MTRF1L: variants seen among roughly 807,000 people sequenced by gnomAD.
MTRF1L encodes the protein peptide chain release factor 1-like, mitochondrial.
MTRF1L carries 29 observed loss-of-function variants against 40.0 expected under a neutral mutation model. That is an observed-to-expected ratio of 0.73 (90% CI 0.54 to 0.99). MTRF1L has a LOEUF of 0.99. Among genes scored for constraint, MTRF1L ranks in the 50% least tolerant of loss-of-function variants. MTRF1L has a pLI of 0.00. For synonymous variants in MTRF1L, 150 were observed against 175.8 expected, an observed-to-expected ratio of 0.85 and a Z score of 1.16; for missense variants, 412 against 464.5, an observed-to-expected ratio of 0.89 and a Z score of 1.04.
Position 153,002,543 on chromosome 6 carries a change from T to C in MTRF1L, c.143A>G (p.Glu48Gly). The C allele has an allele frequency of 1.9e-6, 3 of 1,598,998 alleles. No individual in the cohort carries two copies. Among genetic ancestry groups the C allele is most frequent in the Non-Finnish European group, 2.6e-6 (3 of 1,173,890 alleles). Residue 48 changes from glutamate (E) to glycine (G), a missense_variant, in exon 1 of 7, where the codon GAG becomes GGG. Transcript: ENST00000367233. The stretch of plus-strand genomic sequence containing the variant: ...ATGGGCTTCAGACCCCGCCTGGCGC[T>C]CGAGGAAGGTCCGCAAGGGCCCGCC... ...TRGGPLRTFL[E>G]RQAGSEAHLK...
chr6:152,994,785 T>C (rs1476863890), intron 3 of MTRF1L, 109 bp from the exon 4 acceptor site: 1 of 1,323,256 alleles, frequency 7.6e-7, no homozygotes, highest in Non-Finnish European at 1.1e-6. Context: ...TAAAAGGAGA[T>C]GAACATGGAG....
intron 1 of MTRF1L, among the ~76,000 whole-genome samples, chr6:153,000,790 C>T (rs1778885806): frequency 6.6e-6 from 1 of 150,812 alleles, no homozygotes; most frequent in African/African-American, 2.4e-5. Context: ...TTACCAATGA[C>T]AAAATTGCCA....
chr6:153,002,524 T>C lies in MTRF1L; in HGVS notation c.162A>G (p.Glu54=), dbSNP rs751645936. Residue 54 remains glutamate (E), a synonymous_variant, in exon 1 of 7, where the codon GAA becomes GAG. Coordinates refer to ENST00000367233, the MANE Select transcript of MTRF1L (RefSeq NM_019041.7). ...CGGGCCTCCTGACCTTCAAATGGGC[T>C]TCAGACCCCGCCTGGCGCTCGAGGA... ...RTFLERQAGS[E]AHLKVRRPEL... is the part of the protein sequence containing the mutation. The C allele has an allele frequency of 6.2e-7, 1 of 1,610,676 alleles. No homozygotes were observed. Among genetic ancestry groups the C allele is most frequent in the Non-Finnish European group, 8.5e-7 (1 of 1,178,968 alleles).
In MTRF1L at chr6:152,989,640, T is replaced by TTA; in HGVS notation, c.*253_*254dup. Reference sequence around the variant, plus strand: ...TTAGGAGACTGCTGTGTTGCTAACGTTATATGCATTTTTAACTTATGATGG... The same window carrying TTA: ...TTAGGAGACTGCTGTGTTGCTAACGTTATATATGCATTTTTAACTTATGATGG... On this transcript the variant is annotated 3_prime_UTR_variant, in exon 7 of 7. Coordinates refer to ENST00000367233, the MANE Select transcript of MTRF1L (RefSeq NM_019041.7). 2.4e-6 allele frequency: 1 copy of TTA among 418,774 alleles called. No individual in the cohort carries two copies. The highest frequency in any genetic ancestry group is 4.2e-6 in the Non-Finnish European group (1 of 235,760). The allele number at this position is 418,774 out of a possible 1,614,324, so 25.9% of individuals were successfully genotyped here.
At chr6:152,995,635 T>G (rs1187266899) in intron 2 of MTRF1L, among the ~76,000 whole-genome samples, 3 of 152,186 alleles carry the variant, frequency 2.0e-5, no homozygotes. Flanking sequence ...GTACTTGCTC[T>G]GATTCGGAGA....
In MTRF1L at chr6:153,002,536, C is replaced by T. The variant is rs888345995; in HGVS notation, c.150G>A (p.Gln50=). ...CCTTCAAATGGGCTTCAGACCCCGC[C>T]TGGCGCTCGAGGAAGGTCCGCAAGG... The part of the protein sequence containing the change: ...GGPLRTFLER[Q]AGSEAHLKVR... The change falls in exon 1 of 7, where the codon CAG becomes CAA. Residue 50 remains glutamine (Q), a synonymous_variant. Coordinates refer to ENST00000367233, the MANE Select transcript of MTRF1L (RefSeq NM_019041.7). The T allele has an allele frequency of 6.2e-7, 1 of 1,605,140 alleles. No individual in the cohort carries two copies. Among genetic ancestry groups the T allele is most frequent in the Non-Finnish European group, 8.5e-7 (1 of 1,176,696 alleles).
At chr6:152,993,399 A>G (rs1778598924) in intron 4 of MTRF1L, among the ~76,000 whole-genome samples, 1 of 148,206 alleles carries the variant, frequency 6.7e-6, no homozygotes, top group Non-Finnish European at 1.5e-5. Flanking sequence ...TTTTATTTCA[A>G]ACATATTTGG....
At chr6:152,993,076 T>C (rs1778586638) in intron 4 of MTRF1L, 102 bp from the exon 5 acceptor site, 7 of 840,868 alleles carry the variant, frequency 8.3e-6, no homozygotes, top group South Asian at 1.6e-5. Context: ...AGAATTCATA[T>C]ATTTGGGAGG....
intron 2 of MTRF1L, among the ~76,000 whole-genome samples, chr6:152,997,669 G>A (rs1309470127): frequency 2.6e-5 from 4 of 152,148 alleles, no homozygotes; most frequent in African/African-American, 9.7e-5. Context: ...CCAAAGAACA[G>A]TATCTGCTTA....
At chr6:152,990,374 A>G (rs969978650) in intron 6 of MTRF1L, 1 of 394,618 alleles carries the variant, frequency 2.5e-6, no homozygotes, top group Non-Finnish European at 4.6e-6. Flanking sequence ...AGTGTCTACT[A>G]CACAGTGATG....
chr6:152,994,994 T>A, intron 3 of MTRF1L, 142 bp downstream of exon 3: 1 of 804,822 alleles, frequency 1.2e-6, no homozygotes. Flanking sequence ...AAAATTACTG[T>A]ATGTGCATTC....
intron 6 of MTRF1L, 196 bp from the exon 7 acceptor site, chr6:152,990,291 T>C (rs1455837863): frequency 3.7e-6 from 3 of 805,528 alleles, no homozygotes; most frequent in Non-Finnish European, 5.6e-6. Context: ...ATCAGATTAA[T>C]ATCTGAATCC....
rs962038160 is a variant in MTRF1L at position 152,991,398 on chromosome 6, C to G, written c.806-77G>C. Reference sequence around the variant, plus strand: ...TTATTATCAAGGAATACTTTTCCTCCTCATCCTTTTTCTTCTTCCTTTATG... The same window carrying G: ...TTATTATCAAGGAATACTTTTCCTCGTCATCCTTTTTCTTCTTCCTTTATG... On this transcript the variant is annotated intron_variant, in intron 5 of 6. Coordinates refer to ENST00000367233, the MANE Select transcript of MTRF1L (RefSeq NM_019041.7). The G allele has an allele frequency of 5.6e-6, 8 of 1,417,022 alleles. No individual in the cohort carries two copies. In the African/African-American group the frequency reaches 6.0e-5, roughly 11 times the overall value. The allele number at this position is 1,417,022 out of a possible 1,614,324, so 87.8% of individuals were successfully genotyped here. A position where few individuals can be genotyped will look rare whatever the true frequency, so the allele number is the denominator to read the frequency against.
In MTRF1L at chr6:153,001,284, T is replaced by C. The variant is rs557546630; in HGVS notation, c.259+1143A>G. ...TTTTTCTTGACCTTTTATAGCCTTC[T>C]TCTCTGCCTGCTCCTCAAATACTGT... is the stretch of plus-strand genomic sequence containing the variant. On this transcript the variant is annotated intron_variant, in intron 1 of 6. Coordinates refer to ENST00000367233, the MANE Select transcript of MTRF1L (RefSeq NM_019041.7). Among the ~76,000 whole-genome samples the C allele has an allele frequency of 5.9e-5, 9 of 152,352 alleles. No homozygotes were observed. In the South Asian group the frequency reaches 1.9e-3, roughly 32 times the overall value.
Position 152,991,255 on chromosome 6 carries a change from A to T in MTRF1L, c.872T>A (p.Leu291Ter). 6.2e-7 allele frequency: 1 copy of T among 1,601,030 alleles called. No homozygotes were observed. Among genetic ancestry groups the T allele is most frequent in the Non-Finnish European group, 8.5e-7 (1 of 1,175,034 alleles). ...LKNKELAMTK[L>*]RAKLYSMHLE... ...ATGCATGCTGTACAGTTTTGCACGT[A>T]ACTTTGTCATAGCCAGCTCTTTATT... Residue 291 changes from leucine to a stop codon, truncating the protein, a stop_gained, in exon 6 of 7, where the codon TTA becomes TAA. Coordinates refer to ENST00000367233, the MANE Select transcript of MTRF1L (RefSeq NM_019041.7). LOFTEE classifies it high-confidence loss of function.
intron 2 of MTRF1L, among the ~76,000 whole-genome samples, chr6:152,996,609 A>G (rs1940720577): frequency 2.0e-5 from 3 of 152,160 alleles, no homozygotes; most frequent in Admixed American, 6.5e-5. Flanking sequence ...CTTACCTAAC[A>G]TATTCTTTCA....
In MTRF1L at chr6:152,988,535, G is replaced by T. The variant is rs1382783666; in HGVS notation, c.*1360C>A. 11 of 40,456 alleles carry T rather than the reference G, an allele frequency of 2.7e-4. No individual in the cohort carries two copies. Among genetic ancestry groups the T allele is most frequent in the East Asian group, 4.4e-4 (1 of 2,276 alleles). The allele number at this position is 40,456 out of a possible 1,614,324, so 2.5% of individuals were successfully genotyped here. A position where few individuals can be genotyped will look rare whatever the true frequency, so the allele number is the denominator to read the frequency against. On this transcript the variant is annotated 3_prime_UTR_variant, in exon 7 of 7. Coordinates refer to ENST00000367233, the MANE Select transcript of MTRF1L (RefSeq NM_019041.7). Reference sequence around the variant, plus strand: ...TCATACTTTTTTTTTTTTTTTTTTTGAGATTTAACTTTTGCTCTGATTTTC... The same window carrying T: ...TCATACTTTTTTTTTTTTTTTTTTTTAGATTTAACTTTTGCTCTGATTTTC...
rs778089282 is a variant in MTRF1L, at chr6:153,002,415, C to T, written c.259+12G>A. 5.6e-6 allele frequency: 9 copies of T among 1,613,854 alleles called. No individual in the cohort carries two copies. In the East Asian group the frequency reaches 1.1e-4, roughly 20 times the overall value. On this transcript the variant is annotated intron_variant, in intron 1 of 6. Coordinates refer to ENST00000367233, the MANE Select transcript of MTRF1L (RefSeq NM_019041.7). Reference sequence around the variant, plus strand: ...TGTGCTCTGACGCCTCTCCCCCGGGCCCGACCCTTACCGTGCAGCAAGTGC... The same window carrying T: ...TGTGCTCTGACGCCTCTCCCCCGGGTCCGACCCTTACCGTGCAGCAAGTGC...
intron 1 of MTRF1L, among the ~76,000 whole-genome samples, chr6:152,999,377 T>C (rs1778829860): frequency 1.3e-5 from 2 of 152,242 alleles, no homozygotes; most frequent in African/African-American, 2.4e-5. Context: ...TGTATGCTTA[T>C]CTATTAAGAA....
Sources: allele counts gnomAD v4.1 joint callset (sites outside exome capture counted in the v4.1 genomes callset), GRCh38; gene constraint gnomAD v4.1.1; transcripts MANE v1.5; gene names NCBI Gene and HGNC (gene_info 2026-07-23, HGNC 2026-07-21).